Variants in EEFSEC observed in about 807,000 individuals in gnomAD.
The protein encoded by EEFSEC is selenocysteine-specific elongation factor.
A neutral mutation model predicts 42.1 loss-of-function variants in EEFSEC; 43 were observed. The observed-to-expected ratio is 1.02, with a 90% confidence interval of 0.80 to 1.32. The LOEUF is 1.32. Ranked by LOEUF, EEFSEC falls within the 40% of genes most tolerant of loss-of-function variation. The pLI is 0.00. For missense variants in EEFSEC, 745 were observed against 803.6 expected (o/e 0.93, Z 0.88); for synonymous variants, 354 against 339.1 (o/e 1.04, Z -0.48).
At chr3:128,208,088 C>T (rs189376740) in intron 1 of EEFSEC, among the ~76,000 whole-genome samples, 15 of 152,264 alleles carry the variant, frequency 9.9e-5, no homozygotes, top group African/African-American at 1.4e-4. Flanking sequence ...AGTACTGCTA[C>T]GGAAACTACA....
intron 1 of EEFSEC, among the ~76,000 whole-genome samples, chr3:128,215,959 G>A (rs150835469): frequency 2.6e-4 from 39 of 152,214 alleles, no homozygotes; most frequent in African/African-American, 8.9e-4. Context: ...AGTTCCTACT[G>A]TCTAAACATT....
intron 1 of EEFSEC, among the ~76,000 whole-genome samples, chr3:128,185,045 AC>A (rs1271312335): frequency 6.6e-6 from 1 of 152,218 alleles, no homozygotes; most frequent in African/African-American, 2.4e-5. Flanking sequence ...AAGGAAAAAA[AC>A]AAATACAAGT....
At chr3:128,247,485 G>A (rs1265913503) in intron 2 of EEFSEC, among the ~76,000 whole-genome samples, 1 of 152,190 alleles carries the variant, frequency 6.6e-6, no homozygotes. Flanking sequence ...TCTACAACTC[G>A]ATTATCAAAA....
intron 4 of EEFSEC, among the ~76,000 whole-genome samples, chr3:128,316,919 T>A (rs2066952655): frequency 6.6e-6 from 1 of 152,242 alleles, no homozygotes; most frequent in Non-Finnish European, 1.5e-5. Flanking sequence ...GTGCTCATCC[T>A]GTTAACTGGT....
chr3:128,353,905 C>T (rs1255184188), intron 5 of EEFSEC, among the ~76,000 whole-genome samples: 2 of 152,178 alleles, frequency 1.3e-5, no homozygotes, highest in Admixed American at 6.5e-5. Context: ...AGGACACTGC[C>T]GCTCACCTGC....
intron 1 of EEFSEC, among the ~76,000 whole-genome samples, chr3:128,176,416 A>G (rs955758895): frequency 2.0e-5 from 3 of 152,070 alleles, no homozygotes; most frequent in African/African-American, 7.2e-5. Flanking sequence ...ACCCAACCAG[A>G]AGACACACAC....
intron 6 of EEFSEC, among the ~76,000 whole-genome samples, chr3:128,401,952 C>T (rs149257602): frequency 3.3e-4 from 51 of 152,346 alleles, no homozygotes; most frequent in Admixed American, 2.2e-3. Flanking sequence ...AGAGACAGCA[C>T]CATGGGCCTA....
the EEFSEC span, among the ~76,000 whole-genome samples, chr3:128,419,052 T>C: frequency 1.3e-5 from 2 of 152,234 alleles, no homozygotes; most frequent in East Asian, 1.9e-4. Flanking sequence ...TTTTTAAAGA[T>C]TGATAATATC....
chr3:128,297,909 T>C (rs987061854), intron 4 of EEFSEC, among the ~76,000 whole-genome samples: 4 of 152,192 alleles, frequency 2.6e-5, no homozygotes, highest in Admixed American at 1.3e-4. Context: ...TCCAAGTACT[T>C]CCTGGATGCC....
At chr3:128,209,898 T>A (rs1475657582) in intron 1 of EEFSEC, among the ~76,000 whole-genome samples, 3 of 152,254 alleles carry the variant, frequency 2.0e-5, no homozygotes, top group Non-Finnish European at 4.4e-5. Flanking sequence ...ATGTTAATAA[T>A]TTTCTTACAA....
At chr3:128,308,780 C>G (rs994837322) in intron 4 of EEFSEC, among the ~76,000 whole-genome samples, 1 of 152,116 alleles carries the variant, frequency 6.6e-6, no homozygotes, top group Non-Finnish European at 1.5e-5. Flanking sequence ...TCCTTGGAAT[C>G]CAGTTTGGAA....
At chr3:128,396,408 A>G (rs1159913741) in intron 6 of EEFSEC, among the ~76,000 whole-genome samples, 3 of 151,952 alleles carry the variant, frequency 2.0e-5, no homozygotes, top group East Asian at 1.9e-4. Context: ...CTACCTCTCA[A>G]TGATGGAGTG....
At chr3:128,286,266 C>T (rs182699054) in intron 4 of EEFSEC, among the ~76,000 whole-genome samples, 2 of 152,322 alleles carry the variant, frequency 1.3e-5, no homozygotes, top group Admixed American at 1.3e-4. Context: ...ACATACTGGT[C>T]ATCTATTCAG....
chr3:128,158,341 A>G (rs1399092686), intron 1 of EEFSEC, among the ~76,000 whole-genome samples: 3 of 152,254 alleles, frequency 2.0e-5, no homozygotes, highest in Non-Finnish European at 1.5e-5. Context: ...AAGCAGTGGC[A>G]AGATTTGAGA....
At chr3:128,327,293 C>T (rs2067075103) in intron 4 of EEFSEC, among the ~76,000 whole-genome samples, 1 of 87,022 alleles carries the variant, frequency 1.1e-5, no homozygotes, top group Non-Finnish European at 2.1e-5. Flanking sequence ...TTTTCCCATC[C>T]CCCCCCCCCC....
At chr3:128,216,621 G>T (rs74524364) in intron 1 of EEFSEC, among the ~76,000 whole-genome samples, 1 of 152,204 alleles carries the variant, frequency 6.6e-6, no homozygotes, top group Non-Finnish European at 1.5e-5. Context: ...ATGGCTGGCC[G>T]TACATGGGGT....
chr3:128,227,602 A>G (rs2065921165), intron 1 of EEFSEC, among the ~76,000 whole-genome samples: 1 of 152,134 alleles, frequency 6.6e-6, no homozygotes, highest in Non-Finnish European at 1.5e-5. Flanking sequence ...TGGAACCCAT[A>G]GTGTAAGAGT....
chr3:128,255,260 C>G (rs1349320298), intron 2 of EEFSEC, among the ~76,000 whole-genome samples: 1 of 151,990 alleles, frequency 6.6e-6, no homozygotes, highest in East Asian at 1.9e-4. Flanking sequence ...AGAAGGGCCT[C>G]TCGGGGACGT....
At chr3:128,387,692 C>T (rs1224341806) in intron 6 of EEFSEC, among the ~76,000 whole-genome samples, 1 of 152,182 alleles carries the variant, frequency 6.6e-6, no homozygotes, top group East Asian at 1.9e-4. Context: ...CCAGGCTGGG[C>T]TGGCCCCTGT....
Sources: gnomAD v4.1 joint callset for allele counts (sites outside exome capture counted in the v4.1 genomes callset) on GRCh38, gnomAD v4.1.1 for gene constraint, MANE v1.5 for transcripts, NCBI Gene and HGNC (gene_info 2026-07-23, HGNC 2026-07-21) for gene names.